The following CACNA1H variants were observed in gnomAD, a reference collection of about 807,000 sequenced individuals.
CACNA1H encodes voltage-dependent T-type calcium channel subunit alpha-1H.
Under a neutral mutation model 192.5 loss-of-function variants are expected in CACNA1H, and 149 were observed. That is an observed-to-expected ratio of 0.77 (90% confidence interval 0.68 to 0.89). CACNA1H has a LOEUF of 0.89. Ranked by LOEUF, CACNA1H falls within the 40% of genes least tolerant of loss-of-function variation. CACNA1H has a pLI of 0.00. For missense variants in CACNA1H, 4,257 were observed against 3,423.5 expected, an observed-to-expected ratio of 1.24 and a Z score of -6.08; for synonymous variants, 2,202 against 1,475.2, an observed-to-expected ratio of 1.49 and a Z score of -11.29.
At chr16:1,160,815 G>C (rs1038056462) in intron 2 of CACNA1H, among the ~76,000 whole-genome samples, 1 of 152,180 alleles carries the variant, frequency 6.6e-6, no homozygotes, top group African/African-American at 2.4e-5. Flanking sequence ...AGATCCTTGG[G>C]TGGGTGTGGC....
In CACNA1H at chr16:1,220,740, C is replaced by T. The variant is rs369693777; in HGVS notation, c.6808C>T (p.Pro2270Ser). The T allele has an allele frequency of 1.5e-5, 24 of 1,612,332 alleles. No individual in the cohort carries two copies. In the African/African-American group the frequency reaches 2.9e-4, roughly 20 times the overall value. ...GACCGTCCCCAGCTTTGCCTTTGAG[C>T]CGCTGGACCTCGGGGTCCCCAGTGG... ...HLTVPSFAFE[P>S]LDLGVPSGDP... Residue 2270 changes from proline (P) to serine (S), a missense_variant, in exon 35 of 35, where the codon CCG (proline) becomes TCG (serine). Coordinates refer to ENST00000348261, the MANE Select transcript of CACNA1H (RefSeq NM_021098.3).
chr16:1,207,921 C>G (rs1156786275), intron 15 of CACNA1H, 61 bp downstream of exon 15: 7 of 1,541,266 alleles, frequency 4.5e-6, no homozygotes, highest in Non-Finnish European at 6.2e-6. Flanking sequence ...GCTGGCCGGG[C>G]AGGGCCCCCA....
rs564319242 is a variant in CACNA1H at position 1,182,129 on chromosome 16, A to T, written c.300-12843A>T. Among the ~76,000 whole-genome samples, 821 of 152,184 alleles carry T rather than the reference A, an allele frequency of 5.4e-3. 7 individuals are homozygous for T. Among genetic ancestry groups the T allele is most frequent in the African/African-American group, 0.017 (723 of 41,490 alleles). On this transcript the variant is annotated intron_variant, in intron 2 of 34. Transcript: ENST00000348261. ...TTCCCCGGGCTGTGGCAGGGGCAGG[A>T]GCAGGGTCCGTGCCTGAGACAGCGC...
intron 2 of CACNA1H, among the ~76,000 whole-genome samples, chr16:1,185,199 C>T (rs567978815): frequency 2.6e-5 from 4 of 152,304 alleles, no homozygotes; most frequent in East Asian, 1.9e-4. Flanking sequence ...CTTTTCATGG[C>T]TGAGTAATAT....
intron 5 of CACNA1H, among the ~76,000 whole-genome samples, chr16:1,197,970 A>G (rs1027731393): frequency 6.6e-6 from 1 of 151,918 alleles, no homozygotes; most frequent in Non-Finnish European, 1.5e-5. Flanking sequence ...CTTCAGTGCT[A>G]CCTCCTGAAA....
At chr16:1,198,952 A>G (rs190211190) in intron 6 of CACNA1H, 178 bp downstream of exon 6, 1 of 385,954 alleles carries the variant, frequency 2.6e-6, no homozygotes, top group Admixed American at 5.2e-5. Context: ...CCCACCCCCC[A>G]TCATGGCTCC....
At chr16:1,157,538 G>A (rs1962586162) in intron 2 of CACNA1H, 1 of 152,182 alleles carries the variant, frequency 6.6e-6, no homozygotes, top group Non-Finnish European at 1.5e-5. Context: ...GGGAGTGTGA[G>A]AGGGCACCCG....
intron 9 of CACNA1H, among the ~76,000 whole-genome samples, 184 bp downstream of exon 9, chr16:1,202,636 C>T (rs1028045082): frequency 1.3e-5 from 2 of 152,130 alleles, no homozygotes; most frequent in Non-Finnish European, 2.9e-5. Flanking sequence ...CCGCCCCTGA[C>T]AGCGCCAAAG....
At chr16:1,176,147 A>G (rs978204609) in intron 2 of CACNA1H, among the ~76,000 whole-genome samples, 1 of 152,250 alleles carries the variant, frequency 6.6e-6, no homozygotes, top group Non-Finnish European at 1.5e-5. Flanking sequence ...GACTTTGGGA[A>G]TTTCAGCCTA....
intron 12 of CACNA1H, chr16:1,206,658 T>C (rs953746704): frequency 1.7e-5 from 7 of 414,662 alleles, no homozygotes; most frequent in Non-Finnish European, 3.1e-5. Flanking sequence ...GGCTGGAGGC[T>C]AGGCAGCCAG....
At chr16:1,173,708 G>T (rs977735486) in intron 2 of CACNA1H, among the ~76,000 whole-genome samples, 1 of 152,224 alleles carries the variant, frequency 6.6e-6, no homozygotes, top group African/African-American at 2.4e-5. Context: ...GGAGGGTGGG[G>T]CTCCCCGGCC....
intron 14 of CACNA1H, 46 bp from the exon 15 acceptor site, chr16:1,207,724 C>T: frequency 6.7e-7 from 1 of 1,490,030 alleles, no homozygotes; most frequent in Non-Finnish European, 9.2e-7. Context: ...GAAGGGTCCC[C>T]ACTCACGGGG....
intron 2 of CACNA1H, among the ~76,000 whole-genome samples, chr16:1,164,792 G>A (rs971438361): frequency 3.3e-5 from 5 of 152,228 alleles, no homozygotes; most frequent in East Asian, 1.9e-4. Flanking sequence ...CTCACTGGCC[G>A]GGCTCCGGAT....
Position 1,208,066 on chromosome 16 carries a change from GGCA to G in CACNA1H, c.3211_3213del (p.Ser1071del), listed in dbSNP as rs1968961933. The stretch of plus-strand genomic sequence containing the variant: ...CCCCAACGGGCACCTGGAGGGACGA[GGCA>G]GCCTGTCCCCTCCCCTCATCATGTG... On this transcript the variant is annotated inframe_deletion, in exon 16 of 35. Coordinates refer to ENST00000348261, the MANE Select transcript of CACNA1H (RefSeq NM_021098.3). The G allele has an allele frequency of 6.2e-7, 1 of 1,605,466 alleles. No individual in the cohort carries two copies. The highest frequency in any genetic ancestry group is 1.7e-5 in the Admixed American group (1 of 59,224).
In CACNA1H at chr16:1,167,950, T is replaced by C. The variant is rs1323478140; in HGVS notation, c.299+13914T>C. Among the ~76,000 whole-genome samples the C allele has an allele frequency of 1.3e-5, 2 of 152,132 alleles. No individual in the cohort carries two copies. The highest frequency in any genetic ancestry group is 2.9e-5 in the Non-Finnish European group (2 of 68,018). On this transcript the variant is annotated intron_variant, in intron 2 of 34. Coordinates refer to ENST00000348261, the MANE Select transcript of CACNA1H (RefSeq NM_021098.3). This position sits in a 1 kb window ranked among gnomAD's most constrained non-coding sequence, Gnocchi z 4.2. ...GTGGGGCCTCAGGAGCCAGGCCTGTTCCCCGGGGCTGCCTGGAGGCGGCCG... is the reference window on the plus strand; with the variant it reads ...GTGGGGCCTCAGGAGCCAGGCCTGTCCCCCGGGGCTGCCTGGAGGCGGCCG...
chr16:1,159,005 G>A (rs1294011748), intron 2 of CACNA1H, among the ~76,000 whole-genome samples: 2 of 152,212 alleles, frequency 1.3e-5, no homozygotes, highest in African/African-American at 2.4e-5. Flanking sequence ...CGCTGGGATC[G>A]TCCTTGGCAC....
intron 2 of CACNA1H, among the ~76,000 whole-genome samples, chr16:1,166,439 C>T (rs536046058): frequency 6.6e-6 from 1 of 152,248 alleles, no homozygotes; most frequent in African/African-American, 2.4e-5. Flanking sequence ...GGCACCAACT[C>T]ATTCCTGTTG....
At chr16:1,155,560 T>G (rs1006553579) in intron 2 of CACNA1H, among the ~76,000 whole-genome samples, 1 of 152,084 alleles carries the variant, frequency 6.6e-6, no homozygotes, top group Non-Finnish European at 1.5e-5. Flanking sequence ...GTTCCTTGTT[T>G]CCCAACGTGT....
chr16:1,205,471 C>A (rs566308471), intron 11 of CACNA1H, among the ~76,000 whole-genome samples: 1 of 152,318 alleles, frequency 6.6e-6, no homozygotes, highest in African/African-American at 2.4e-5. Context: ...CTATGCTTCC[C>A]TGCAGGCACT....
Sources: gnomAD v4.1 joint callset for allele counts (sites outside exome capture counted in the v4.1 genomes callset) on GRCh38, gnomAD v4.1.1 for gene constraint, Gnocchi (gnomAD v3.1) non-coding constraint, MANE v1.5 for transcripts, NCBI Gene and HGNC (gene_info 2026-07-23, HGNC 2026-07-21) for gene names.